The following FBXO33 variants were observed in gnomAD, a reference collection of about 807,000 sequenced individuals.
FBXO33 encodes the protein F-box protein 33, also known as F-box only protein 33.
In FBXO33, 22 loss-of-function variants were observed where a neutral mutation model predicts 46.3. That is an observed-to-expected ratio of 0.48 (90% CI 0.34 to 0.68). FBXO33 has a LOEUF of 0.68. Among genes scored for constraint, FBXO33 ranks in the 30% least tolerant of loss-of-function variants. The probability of loss-of-function intolerance (pLI) is 0.01; values close to 1 mark genes in which losing one functional copy is unlikely to be tolerated. For synonymous variants in FBXO33, 337 were observed against 291.3 expected, an observed-to-expected ratio of 1.16 and a Z score of -1.60; for missense variants, 692 against 708.8, an observed-to-expected ratio of 0.98 and a Z score of 0.27.
In FBXO33 at chr14:39,428,983, C is replaced by T. The variant is rs566982257; in HGVS notation, c.599+2581G>A. On this transcript the variant is annotated intron_variant, in intron 1 of 3. Transcript: ENST00000298097. The stretch of plus-strand genomic sequence containing the variant: ...GGACTGTGTGTTACCCTCAGAGAGG[C>T]ACTTATGCACCTTCTTTATCCTTAT... Among the ~76,000 whole-genome samples, 7 of 152,290 alleles carry T rather than the reference C, an allele frequency of 4.6e-5. No homozygotes were observed. The South Asian group carries it at 6.2e-4, about 14-fold the overall frequency.
chr14:39,431,486 T>C (rs1014986125), intron 1 of FBXO33, 78 bp downstream of exon 1: 98 of 1,591,482 alleles, frequency 6.2e-5, no homozygotes, highest in Non-Finnish European at 7.9e-5. Flanking sequence ...GCACGTATTA[T>C]GCACAGAATC....
At chr14:39,424,008 G>A (rs949540486) in intron 1 of FBXO33, among the ~76,000 whole-genome samples, 9 of 152,078 alleles carry the variant, frequency 5.9e-5, no homozygotes, top group African/African-American at 2.2e-4. Context: ...TTATAACTAC[G>A]TGTACTCAAT....
intron 1 of FBXO33, among the ~76,000 whole-genome samples, chr14:39,412,341 G>C (rs572613939): frequency 6.6e-6 from 1 of 152,058 alleles, no homozygotes; most frequent in Non-Finnish European, 1.5e-5. Flanking sequence ...TTGACTTAAA[G>C]TCTATTTTCT....
intron 1 of FBXO33, among the ~76,000 whole-genome samples, chr14:39,430,748 G>A (rs947938247): frequency 1.3e-5 from 2 of 152,156 alleles, no homozygotes; most frequent in African/African-American, 4.8e-5. Flanking sequence ...TAAATTAATA[G>A]GGTTTTGGAG....
chr14:39,431,412 G>A, intron 1 of FBXO33, 152 bp downstream of exon 1: 1 of 1,398,484 alleles, frequency 7.2e-7, no homozygotes, highest in Non-Finnish European at 9.6e-7. Flanking sequence ...TTCCGCTCAA[G>A]GAAACCGCCT....
chr14:39,403,089 C>CAAACT (rs1490106152), intron 1 of FBXO33, among the ~76,000 whole-genome samples: 4 of 152,126 alleles, frequency 2.6e-5, no homozygotes, highest in Non-Finnish European at 4.4e-5. Context: ...TGATATATGA[C>CAAACT]AAACTATGTA....
intron 1 of FBXO33, among the ~76,000 whole-genome samples, chr14:39,431,352 A>C (rs1595990460): frequency 6.6e-6 from 1 of 151,950 alleles, no homozygotes; most frequent in South Asian, 2.1e-4. Context: ...TCTGTTAAAC[A>C]CCCCGTCCAC....
chr14:39,409,177 A>C (rs540224068), intron 1 of FBXO33, among the ~76,000 whole-genome samples: 20 of 152,314 alleles, frequency 1.3e-4, no homozygotes, highest in African/African-American at 4.6e-4. Context: ...AATGCCAAGA[A>C]GCTTTCCCCC....
At chr14:39,400,712 C>T (rs940913020) in intron 3 of FBXO33, among the ~76,000 whole-genome samples, 2 of 152,076 alleles carry the variant, frequency 1.3e-5, no homozygotes, top group East Asian at 1.9e-4. Flanking sequence ...GAACAGGTCA[C>T]ATTAAAATGA....
intron 1 of FBXO33, among the ~76,000 whole-genome samples, chr14:39,404,680 A>T (rs1469312682): frequency 6.6e-6 from 1 of 152,130 alleles, no homozygotes; most frequent in African/African-American, 2.4e-5. Flanking sequence ...AGGTAGGGAG[A>T]CAGCATTATA....
rs2075351419 is a variant in FBXO33, at chr14:39,398,108, A to ATT, written c.*1406_*1407dup. On this transcript the variant is annotated 3_prime_UTR_variant, in exon 4 of 4. Coordinates refer to ENST00000298097, the MANE Select transcript of FBXO33 (RefSeq NM_203301.4). ...TCATATCTGGACATCTGTTGCATAA[A>ATT]TTGTGTTTCCAAAGCTTACAATAGA... 6.6e-6 allele frequency: 1 copy of ATT among 152,662 alleles called. No individual in the cohort carries two copies. The highest frequency in any genetic ancestry group is 6.5e-5 in the Admixed American group (1 of 15,294). 9.5% of individuals were successfully genotyped at this position (152,662 alleles called of 1,614,324 possible).
intron 3 of FBXO33, among the ~76,000 whole-genome samples, chr14:39,400,287 A>C (rs550149684): frequency 6.6e-6 from 1 of 152,352 alleles, no homozygotes; most frequent in South Asian, 2.1e-4. Flanking sequence ...GTAAATTATA[A>C]AACAATCATG....
chr14:39,416,300 T>C (rs980107486), intron 1 of FBXO33, among the ~76,000 whole-genome samples: 5 of 152,188 alleles, frequency 3.3e-5, no homozygotes, highest in South Asian at 2.1e-4. Context: ...CTTACCTTTA[T>C]GTCTTTGATT....
Position 39,432,022 on chromosome 14 carries a change from C to T in FBXO33, c.141G>A (p.Gly47=), listed in dbSNP as rs1182737857. 1.3e-5 allele frequency: 18 copies of T among 1,408,788 alleles called. No individual in the cohort carries two copies. The highest frequency in any genetic ancestry group is 1.5e-5 in the African/African-American group (1 of 65,398). 87.3% of individuals were successfully genotyped at this position (1,408,788 alleles called of 1,614,324 possible). Residue 47 remains glycine, a synonymous_variant, in exon 1 of 4, where the codon GGG becomes GGA. Transcript: ENST00000298097. ...GCCGCCGGCTGCCGGCTCCCGGCCG[C>T]CCCCGCAGTACCCGGAGCAGCCCCC... ...RLRGLLRVLR[G]RPGAGSRRRG...
intron 2 of FBXO33, 124 bp downstream of exon 2, chr14:39,402,277 C>T (rs535467686): frequency 2.1e-6 from 1 of 475,638 alleles, no homozygotes; most frequent in Non-Finnish European, 3.6e-6. Flanking sequence ...ACCATTAAAA[C>T]ATTTCCAGGA....
chr14:39,405,692 A>G (rs2075393271), intron 1 of FBXO33, among the ~76,000 whole-genome samples: 1 of 152,022 alleles, frequency 6.6e-6, no homozygotes, highest in African/African-American at 2.4e-5. Context: ...GCAAACCAAC[A>G]TTGTGAGAAA....
chr14:39,399,598 A>G lies in FBXO33; in HGVS notation c.1586T>C (p.Met529Thr). The G allele has an allele frequency of 6.2e-7, 1 of 1,613,880 alleles. No individual in the cohort carries two copies. Among genetic ancestry groups the G allele is most frequent in the Non-Finnish European group, 8.5e-7 (1 of 1,179,916 alleles). ...LGLGQPWHAV[M>T]DIESLSVFTE... ...GAAGACACTGAGTGATTCGATGTCC[A>G]TGACTGCATGCCAAGGTTGACCCAG... Residue 529 changes from methionine to threonine, a missense_variant, in exon 4 of 4, where the codon ATG (methionine) becomes ACG (threonine). Transcript: ENST00000298097.
chr14:39,423,471 A>G (rs2075495140), intron 1 of FBXO33, among the ~76,000 whole-genome samples: 1 of 152,242 alleles, frequency 6.6e-6, no homozygotes, highest in Admixed American at 6.5e-5. Context: ...AAAGAAGTGC[A>G]CAAATATGTA....
At position 39,399,003 on chromosome 14, in the gene FBXO33, T is replaced by C. The variant is rs1207685537; in HGVS notation, c.*513A>G. On this transcript the variant is annotated 3_prime_UTR_variant, in exon 4 of 4. Transcript: ENST00000298097. Reference sequence around the variant, plus strand: ...TCAACTATTAGATATGTAATGAAAGTTAAAGTCTTGGCTTTTCTGTTACAG... The same window carrying C: ...TCAACTATTAGATATGTAATGAAAGCTAAAGTCTTGGCTTTTCTGTTACAG... The C allele has an allele frequency of 1.3e-5, 2 of 152,526 alleles. No homozygotes were observed. Among genetic ancestry groups the C allele is most frequent in the African/African-American group, 4.8e-5 (2 of 41,444 alleles). 9.4% of individuals were successfully genotyped at this position (152,526 alleles called of 1,614,324 possible).
Sources: gnomAD v4.1 joint callset for allele counts (sites outside exome capture counted in the v4.1 genomes callset) on GRCh38, gnomAD v4.1.1 for gene constraint, MANE v1.5 for transcripts, NCBI Gene and HGNC (gene_info 2026-07-23, HGNC 2026-07-21) for gene names.